The following TRERF1 variants were observed in gnomAD, a reference collection of about 807,000 sequenced individuals.
TRERF1 encodes the protein transcriptional regulating factor 1, also known as transcriptional-regulating factor 1.
In TRERF1, 27 loss-of-function variants were observed where a neutral mutation model predicts 122.9. That is an observed-to-expected ratio of 0.22 (90% CI 0.16 to 0.30). The LOEUF is 0.30. Among genes scored for constraint, TRERF1 ranks in the 10% least tolerant of loss-of-function variants. The pLI is 1.00. For synonymous variants in TRERF1, 636 were observed against 641.7 expected (o/e 0.99, Z 0.13); for missense variants, 1,248 against 1,560.3 (o/e 0.80, Z 3.37).
intron 2 of TRERF1, among the ~76,000 whole-genome samples, chr6:42,443,514 G>A (rs945985394): frequency 6.6e-6 from 1 of 152,154 alleles, no homozygotes; most frequent in African/African-American, 2.4e-5. Flanking sequence ...AAATGAAGAC[G>A]GCTAAGACTG....
chr6:42,277,842 A>G (rs77426142), intron 4 of TRERF1, among the ~76,000 whole-genome samples: 3,775 of 149,670 alleles, frequency 0.025, 122 homozygotes, highest in Non-Finnish European at 0.035. Flanking sequence ...TAAATAAATA[A>G]ATAAGAAGAA....
rs181306396 is a variant in TRERF1 at position 42,307,346 on chromosome 6, T to C, written c.-370-6597A>G. ...TTATTCAGGTTTATCACGTTCATCC[T>C]AAGGGCCACAGGATTAACTTGATGT... On this transcript the variant is annotated intron_variant, in intron 3 of 17. Transcript: ENST00000372922. Among the ~76,000 whole-genome samples the C allele has an allele frequency of 2.6e-5, 4 of 152,346 alleles. No homozygotes were observed. In the East Asian group the frequency reaches 7.7e-4, roughly 29 times the overall value.
chr6:42,439,688 A>G (rs1786132265), intron 2 of TRERF1, among the ~76,000 whole-genome samples: 1 of 152,190 alleles, frequency 6.6e-6, no homozygotes, highest in South Asian at 2.1e-4. Flanking sequence ...ACCCGGTAAG[A>G]AGATGACCAT....
At chr6:42,439,021 C>G (rs552227568) in intron 2 of TRERF1, among the ~76,000 whole-genome samples, 1 of 152,304 alleles carries the variant, frequency 6.6e-6, no homozygotes, top group South Asian at 2.1e-4. Flanking sequence ...GGGACAGACA[C>G]AGAAGTGAAA....
intron 13 of TRERF1, among the ~76,000 whole-genome samples, chr6:42,251,836 G>A (rs1009250720): frequency 6.6e-6 from 1 of 152,142 alleles, no homozygotes; most frequent in Non-Finnish European, 1.5e-5. Context: ...CTGTGCTCAG[G>A]GCCAATAAGT....
At chr6:42,366,854 C>A (rs1452396439) in intron 2 of TRERF1, among the ~76,000 whole-genome samples, 3 of 152,200 alleles carry the variant, frequency 2.0e-5, no homozygotes, top group Non-Finnish European at 4.4e-5. Context: ...GCAAAACACT[C>A]AAGGGCCATC....
chr6:42,444,291 T>C (rs1787082058), intron 2 of TRERF1, among the ~76,000 whole-genome samples: 1 of 151,762 alleles, frequency 6.6e-6, no homozygotes, highest in South Asian at 2.1e-4. Context: ...CTAATCATAG[T>C]TTTCAAATAA....
intron 4 of TRERF1, among the ~76,000 whole-genome samples, chr6:42,293,750 A>C (rs2150169561): frequency 4.9e-5 from 5 of 101,618 alleles, no homozygotes; most frequent in Admixed American, 2.5e-4. Context: ...CCCACCCCCC[A>C]CCCTGTTGCT....
chr6:42,258,061 G>T, intron 10 of TRERF1, 74 bp downstream of exon 10: 2 of 1,312,972 alleles, frequency 1.5e-6, no homozygotes, highest in South Asian at 1.2e-5. Context: ...GTAATCCTCT[G>T]ACTACAAAAG....
At chr6:42,439,687 G>A (rs1442056096) in intron 2 of TRERF1, among the ~76,000 whole-genome samples, 1 of 152,208 alleles carries the variant, frequency 6.6e-6, no homozygotes, top group East Asian at 1.9e-4. Flanking sequence ...GACCCGGTAA[G>A]AAGATGACCA....
At position 42,259,522 on chromosome 6, in the gene TRERF1, G is replaced by T. The variant is rs558652524; in HGVS notation, c.2086C>A (p.His696Asn). 6.2e-7 allele frequency: 1 copy of T among 1,613,098 alleles called. No individual in the cohort carries two copies. Among genetic ancestry groups the T allele is most frequent in the South Asian group, 1.1e-5 (1 of 91,042 alleles). ...TCGTGGGTGGGGTCCAGGAGCAGGT[G>T]GTCCCCGAGGACGCGCGGGGAGCGC... The change falls in exon 9 of 18, where the codon CAC becomes AAC. Residue 696 changes from histidine to asparagine, a missense_variant. By Grantham distance (68) the His-to-Asn change is moderately conservative (BLOSUM62 1). Coordinates refer to ENST00000372922, the Ensembl canonical transcript of TRERF1. The surrounding 1 kb of genome is among the most constrained non-coding windows in gnomAD (Gnocchi z 4.9).
At chr6:42,282,738 A>G (rs1287484001) in intron 4 of TRERF1, among the ~76,000 whole-genome samples, 1 of 152,248 alleles carries the variant, frequency 6.6e-6, no homozygotes, top group Non-Finnish European at 1.5e-5. Context: ...ATGTAGGTAT[A>G]TAGATAGTTG....
At chr6:42,392,014 T>A (rs918019493) in intron 2 of TRERF1, among the ~76,000 whole-genome samples, 7 of 152,202 alleles carry the variant, frequency 4.6e-5, no homozygotes, top group Non-Finnish European at 8.8e-5. Context: ...AAGCCCAGCT[T>A]CACCCCATCA....
intron 2 of TRERF1, among the ~76,000 whole-genome samples, chr6:42,374,652 C>A (rs918267229): frequency 1.3e-5 from 2 of 152,122 alleles, no homozygotes; most frequent in Non-Finnish European, 2.9e-5. Flanking sequence ...GAGGACAGCC[C>A]GGTCCTACCC....
chr6:42,408,210 A>AATATATAT (rs34821629), intron 2 of TRERF1, among the ~76,000 whole-genome samples: 2,974 of 106,746 alleles, frequency 0.028, 131 homozygotes, highest in South Asian at 0.061. Flanking sequence ...TATATAAATA[A>AATATATAT]ATATATATAT....
intron 3 of TRERF1, among the ~76,000 whole-genome samples, chr6:42,316,254 C>A (rs1410719182): frequency 6.6e-6 from 1 of 152,144 alleles, no homozygotes; most frequent in African/African-American, 2.4e-5. Flanking sequence ...GATGATTCAT[C>A]CAGAGAGGCT....
chr6:42,303,011 A>G (rs1786493265), intron 3 of TRERF1, among the ~76,000 whole-genome samples: 1 of 152,254 alleles, frequency 6.6e-6, no homozygotes, highest in Non-Finnish European at 1.5e-5. Context: ...TTCTTCTTCA[A>G]AGAGGCTCAA....
At chr6:42,381,793 T>C (rs1487941617) in intron 2 of TRERF1, among the ~76,000 whole-genome samples, 2 of 148,350 alleles carry the variant, frequency 1.3e-5, no homozygotes, top group Non-Finnish European at 3.0e-5. Context: ...ACCCCAGACT[T>C]GGGGAGAAGT....
chr6:42,355,055 TTAA>T (rs1289561247), intron 3 of TRERF1, among the ~76,000 whole-genome samples: 1 of 152,230 alleles, frequency 6.6e-6, no homozygotes, highest in Non-Finnish European at 1.5e-5. Flanking sequence ...CAATCTGTAG[TTAA>T]TAATAACTTT....
Sources: gnomAD v4.1 joint callset for allele counts (sites outside exome capture counted in the v4.1 genomes callset) on GRCh38, gnomAD v4.1.1 for gene constraint, Gnocchi (gnomAD v3.1) non-coding constraint, MANE v1.5 for transcripts, NCBI Gene and HGNC (gene_info 2026-07-23, HGNC 2026-07-21) for gene names.